The following NPHS2 variants were observed in gnomAD, a reference collection of about 807,000 sequenced individuals.
NPHS2 encodes the protein podocin.
Under a neutral mutation model 37.1 loss-of-function variants are expected in NPHS2, and 36 were observed. The ratio of observed to expected loss-of-function variants is 0.97; its 90% CI spans 0.74 to 1.28. The LOEUF is 1.28. NPHS2 is among the 50% of genes most tolerant of loss of function. The probability of loss-of-function intolerance (pLI) is 0.00; values close to 1 mark genes in which losing one functional copy is unlikely to be tolerated. For synonymous variants in NPHS2, 196 were observed against 189.3 expected (o/e 1.04, Z -0.29); for missense variants, 447 against 488.1 (o/e 0.92, Z 0.79).
chr1:179,556,129 T>TTTA lies in NPHS2; in HGVS notation c.738+895_738+897dup, dbSNP rs1458374621. 1.3e-5 allele frequency among the ~76,000 whole-genome samples: 2 copies of TTTA among 152,216 alleles called. No homozygotes were observed. The highest frequency in any genetic ancestry group is 2.9e-5 in the Non-Finnish European group (2 of 68,028). On this transcript the variant is annotated intron_variant, in intron 5 of 7. Coordinates refer to ENST00000367615, the MANE Select transcript of NPHS2 (RefSeq NM_014625.4). This position sits in a 1 kb window ranked among gnomAD's most constrained non-coding sequence, Gnocchi z 4.1. The stretch of plus-strand genomic sequence containing the variant: ...AATGTCAAGTGTCTGGACTTTATCC[T>TTTA]TTAAAGGAGAAGGATGAATAAGGAA...
chr1:179,557,330 A>G, intron 4 of NPHS2, 100 bp from the exon 5 acceptor site: 1 of 943,482 alleles, frequency 1.1e-6, no homozygotes, highest in Non-Finnish European at 1.7e-6. Flanking sequence ...TTTCTCCGCA[A>G]GAGAAAAATG....
At chr1:179,568,678 G>T (rs1558351256) in intron 1 of NPHS2, among the ~76,000 whole-genome samples, 1 of 152,146 alleles carries the variant, frequency 6.6e-6, no homozygotes, top group Non-Finnish European at 1.5e-5. Context: ...GGTTTCTCTT[G>T]TGGGCATTTA....
At chr1:179,567,833 T>TTTG (rs1674393520) in intron 1 of NPHS2, among the ~76,000 whole-genome samples, 1 of 152,220 alleles carries the variant, frequency 6.6e-6, no homozygotes, top group Non-Finnish European at 1.5e-5. Flanking sequence ...TCATGTGGTT[T>TTTG]TTGTTGTTGG....
chr1:179,551,630 G>A (rs2125766741), intron 7 of NPHS2, 179 bp from the exon 8 acceptor site: 2 of 669,678 alleles, frequency 3.0e-6, no homozygotes, highest in Non-Finnish European at 5.1e-6. Context: ...AGATTAAACT[G>A]TTAATCACAA....
chr1:179,575,739 C>A lies in NPHS2; in HGVS notation c.126G>T (p.Gly42=). ...SGGGRGRQEA[G]PEPSGSGRAG... ...CCCGTCCGGAGCCCGACGGCTCGGG[C>A]CCAGCCTCCTGGCGCCCGCGGCCTC... Residue 42 remains glycine, a synonymous_variant, in exon 1 of 8, where the codon GGG becomes GGT. Transcript: ENST00000367615. The A allele has an allele frequency of 1.3e-6, 2 of 1,517,044 alleles. No homozygotes were observed. Among genetic ancestry groups the A allele is most frequent in the East Asian group, 2.6e-5 (1 of 38,736 alleles). The allele number at this position is 1,517,044 out of a possible 1,614,324, so 94.0% of individuals were successfully genotyped here. A position where few individuals can be genotyped will look rare whatever the true frequency, so the allele number is the denominator to read the frequency against.
chr1:179,568,800 C>T (rs1340200449), intron 1 of NPHS2, among the ~76,000 whole-genome samples: 1 of 152,126 alleles, frequency 6.6e-6, no homozygotes, highest in Non-Finnish European at 1.5e-5. Context: ...GCCTTCATTT[C>T]GTGATTTACC....
Position 179,575,866 on chromosome 1 carries a change from C to T in NPHS2, c.-2G>A. On this transcript the variant is annotated 5_prime_UTR_variant, in exon 1 of 8. Transcript: ENST00000367615. ...GGAGCTCCGCGCCCTCCTCTCCATCCTCAGAGCTGCCGGGCGGCTGGAGCA... is the reference window on the plus strand; with the variant it reads ...GGAGCTCCGCGCCCTCCTCTCCATCTTCAGAGCTGCCGGGCGGCTGGAGCA... 1 of 1,409,388 alleles carries T rather than the reference C, an allele frequency of 7.1e-7. No individual in the cohort carries two copies. Among genetic ancestry groups the T allele is most frequent in the Non-Finnish European group, 9.2e-7 (1 of 1,090,116 alleles). 87.3% of individuals were successfully genotyped at this position (1,409,388 alleles called of 1,614,324 possible).
intron 1 of NPHS2, among the ~76,000 whole-genome samples, chr1:179,572,544 T>C (rs984520373): frequency 6.6e-6 from 1 of 152,144 alleles, no homozygotes; most frequent in Non-Finnish European, 1.5e-5. Flanking sequence ...GCACCATACA[T>C]GTGCTCAATA....
intron 4 of NPHS2, among the ~76,000 whole-genome samples, chr1:179,557,534 T>G (rs1032330611): frequency 1.3e-5 from 2 of 152,200 alleles, no homozygotes; most frequent in Admixed American, 1.3e-4. Flanking sequence ...AAATAAAGCA[T>G]CTGCTAAAAG....
At position 179,556,824 on chromosome 1, in the gene NPHS2, G is replaced by A. The variant is rs983286698; in HGVS notation, c.738+203C>T. Among the ~76,000 whole-genome samples the A allele has an allele frequency of 2.0e-5, 3 of 152,074 alleles. No homozygotes were observed. Among genetic ancestry groups the A allele is most frequent in the African/African-American group, 4.8e-5 (2 of 41,410 alleles). The stretch of plus-strand genomic sequence containing the variant: ...GAGTAGGTTTGAGAGCAAAAACTGC[G>A]GCAATGACTGATTAACAAGCACCAT... On this transcript the variant is annotated intron_variant, in intron 5 of 7. Transcript: ENST00000367615. The surrounding 1 kb of genome is among the most constrained non-coding windows in gnomAD (Gnocchi z 4.1).
In NPHS2 at chr1:179,564,771, C is replaced by A. The variant is rs538981059; in HGVS notation, c.297G>T (p.Gly99=). The A allele has an allele frequency of 2.5e-6, 4 of 1,613,896 alleles. No homozygotes were observed. The highest frequency in any genetic ancestry group is 1.1e-5 in the South Asian group (1 of 91,052). The change falls in exon 2 of 8, where the codon GGG becomes GGT. Residue 99 remains glycine, a synonymous_variant. Transcript: ENST00000367615. ...PEEGTKSSGL[G]ACEWLLVLIS... ...TGAGGACAAGAAGCCACTCACAGGC[C>A]CCTAAGCCGGAGGATTTGGTACCTT...
chr1:179,570,111 TCTC>T (rs1460979124), intron 1 of NPHS2, among the ~76,000 whole-genome samples: 1 of 152,166 alleles, frequency 6.6e-6, no homozygotes, highest in African/African-American at 2.4e-5. Context: ...TTGGGGAAGT[TCTC>T]CTGGATAATA....
chr1:179,554,301 T>C (rs1191074253), intron 6 of NPHS2, among the ~76,000 whole-genome samples, 175 bp downstream of exon 6: 2 of 152,256 alleles, frequency 1.3e-5, no homozygotes, highest in Non-Finnish European at 2.9e-5. Context: ...GTCCAAATGT[T>C]ATAGTGATTG....
chr1:179,551,073 C>G lies in NPHS2; in HGVS notation c.*100G>C, dbSNP rs750717673. 7 of 1,476,700 alleles carry G rather than the reference C, an allele frequency of 4.7e-6. No individual in the cohort carries two copies. The highest frequency in any genetic ancestry group is 6.6e-6 in the Non-Finnish European group (7 of 1,063,502). The allele number at this position is 1,476,700 out of a possible 1,614,324, so 91.5% of individuals were successfully genotyped here. A position where few individuals can be genotyped will look rare whatever the true frequency, so the allele number is the denominator to read the frequency against. ...TGCATTCCATGGCCATTCCATATGG[C>G]AACCAAAGGAAGGGCAGGGAATGAG... On this transcript the variant is annotated 3_prime_UTR_variant, in exon 8 of 8. Transcript: ENST00000367615.
rs144838089 is a variant in NPHS2 at position 179,561,240 on chromosome 1, T to C, written c.451+49A>G. On this transcript the variant is annotated intron_variant, in intron 3 of 7. Coordinates refer to ENST00000367615, the MANE Select transcript of NPHS2 (RefSeq NM_014625.4). ...TACAAATCTGCATGGGTTGAAGAAA[T>C]TGGCAAGTCAGGAGAGAGGTGTTTA... The C allele has an allele frequency of 1.1e-4, 149 of 1,324,068 alleles. No homozygotes were observed. The African/African-American group carries it at 1.7e-3, about 15-fold the overall frequency. The allele number at this position is 1,324,068 out of a possible 1,614,324, so 82.0% of individuals were successfully genotyped here.
intron 2 of NPHS2, among the ~76,000 whole-genome samples, chr1:179,563,895 G>A (rs983014777): frequency 6.6e-6 from 1 of 152,206 alleles, no homozygotes; most frequent in African/African-American, 2.4e-5. Flanking sequence ...AGCAGCAGGT[G>A]TACTGTTTCA....
intron 1 of NPHS2, among the ~76,000 whole-genome samples, chr1:179,572,804 C>CTTCT (rs34957411): frequency 0.012 from 1,827 of 149,986 alleles, 44 homozygotes; most frequent in African/African-American, 0.043. Context: ...CCCTCCTTCC[C>CTTCT]TTCTTTCTTT....
intron 1 of NPHS2, among the ~76,000 whole-genome samples, chr1:179,571,674 G>C (rs1674564676): frequency 6.6e-6 from 1 of 152,258 alleles, no homozygotes; most frequent in Non-Finnish European, 1.5e-5. Flanking sequence ...CCTGCTCACA[G>C]AGGTGGAGTC....
At chr1:179,561,451 A>G (rs550534926) in intron 2 of NPHS2, 90 bp from the exon 3 acceptor site, 2 of 1,042,352 alleles carry the variant, frequency 1.9e-6, no homozygotes, top group East Asian at 4.8e-5. Context: ...GATATCAGAA[A>G]TTTTTTGTTT....
Sources: allele counts gnomAD v4.1 joint callset (sites outside exome capture counted in the v4.1 genomes callset), GRCh38; gene constraint gnomAD v4.1.1; non-coding constraint Gnocchi (gnomAD v3.1); transcripts MANE v1.5; gene names NCBI Gene and HGNC (gene_info 2026-07-23, HGNC 2026-07-21).